ITGB3: variants seen among roughly 807,000 people sequenced by gnomAD.
ITGB3 encodes integrin beta-3.
A neutral mutation model predicts 85.8 loss-of-function variants in ITGB3; 48 were observed. The ratio of observed to expected loss-of-function variants is 0.56; its 90% CI spans 0.44 to 0.71. The LOEUF is 0.71. Among genes scored for constraint, ITGB3 ranks in the 30% least tolerant of loss-of-function variants. The pLI is 0.00. For synonymous variants in ITGB3, 363 were observed against 395.6 expected (o/e 0.92, Z 0.98); for missense variants, 861 against 1,019.1 (o/e 0.84, Z 2.11).
At chr17:47,294,573 C>G (rs549763374) in intron 10 of ITGB3, among the ~76,000 whole-genome samples, 4 of 152,254 alleles carry the variant, frequency 2.6e-5, no homozygotes, top group African/African-American at 9.6e-5. Flanking sequence ...ACCAGGGCAG[C>G]CATTGCCGCC....
chr17:47,260,051 T>C (rs4629024), intron 1 of ITGB3, among the ~76,000 whole-genome samples: 46,044 of 151,940 alleles, frequency 0.3, 7,289 homozygotes, highest in East Asian at 0.49. Flanking sequence ...TGTTTAGACA[T>C]TTCCCCTCGC....
intron 1 of ITGB3, among the ~76,000 whole-genome samples, chr17:47,269,273 C>T (rs867781169): frequency 1.1e-4 from 16 of 152,222 alleles, no homozygotes; most frequent in African/African-American, 7.2e-5. Context: ...TAACATTCAG[C>T]TCCTCGTTAC....
intron 1 of ITGB3, among the ~76,000 whole-genome samples, chr17:47,262,539 G>A (rs2065012104): frequency 6.6e-6 from 1 of 152,146 alleles, no homozygotes; most frequent in Non-Finnish European, 1.5e-5. Context: ...TTTCTGGCTG[G>A]AAGAGTGGAT....
In ITGB3 at chr17:47,290,936, G is replaced by A. The variant is rs1445404224; in HGVS notation, c.1126-18G>A. ...TTTCAGTTCAATTTCTTGTCTTCTT[G>A]TGCCCCTTTCTGCTCAGAAAATCCG... On this transcript the variant is annotated intron_variant, in intron 8 of 14. Coordinates refer to ENST00000559488, the MANE Select transcript of ITGB3 (RefSeq NM_000212.3). 6.2e-7 allele frequency: 1 copy of A among 1,613,740 alleles called. No individual in the cohort carries two copies. The highest frequency in any genetic ancestry group is 1.3e-5 in the African/African-American group (1 of 74,868).
intron 6 of ITGB3, among the ~76,000 whole-genome samples, chr17:47,287,476 A>G (rs1435585739): frequency 1.3e-5 from 2 of 152,252 alleles, no homozygotes; most frequent in Non-Finnish European, 2.9e-5. Flanking sequence ...GCATAGCAGC[A>G]GCATCATGGG....
intron 10 of ITGB3, among the ~76,000 whole-genome samples, chr17:47,298,921 A>G (rs2065155680): frequency 6.6e-6 from 1 of 152,204 alleles, no homozygotes; most frequent in African/African-American, 2.4e-5. Context: ...GTGTCAGCCA[A>G]ACTAGAAGGG....
chr17:47,276,292 A>T (rs1458659375), intron 2 of ITGB3, among the ~76,000 whole-genome samples: 1 of 152,178 alleles, frequency 6.6e-6, no homozygotes, highest in Non-Finnish European at 1.5e-5. Context: ...CTGTATAGGG[A>T]CTAGCCATGC....
intron 13 of ITGB3, 76 bp downstream of exon 13, chr17:47,302,916 C>T (rs536825871): frequency 6.4e-7 from 1 of 1,562,986 alleles, no homozygotes; most frequent in South Asian, 1.1e-5. Flanking sequence ...AATCTCTACT[C>T]ATCGAAGCTG....
At chr17:47,300,719 T>C in intron 12 of ITGB3, 141 bp downstream of exon 12, 1 of 711,300 alleles carries the variant, frequency 1.4e-6, no homozygotes, top group South Asian at 1.5e-5. Flanking sequence ...TGAGGAACAA[T>C]GGACACTTGA....
At position 47,283,971 on chromosome 17, in the gene ITGB3, AG is replaced by A. The variant is rs2143091388; in HGVS notation, c.361+424del. Among the ~76,000 whole-genome samples the A allele has an allele frequency of 3.3e-5, 5 of 152,324 alleles. No homozygotes were observed. In the East Asian group the frequency reaches 9.7e-4, roughly 29 times the overall value. ...ACAGGGGAATGGGGGCAGACACAAT[AG>A]GTACACAAGACCTTTAGAGGGAGGA... On this transcript the variant is annotated intron_variant, in intron 3 of 14. Transcript: ENST00000559488.
At chr17:47,261,895 A>G (rs1395801849) in intron 1 of ITGB3, among the ~76,000 whole-genome samples, 1 of 152,262 alleles carries the variant, frequency 6.6e-6, no homozygotes, top group Admixed American at 6.5e-5. Flanking sequence ...CCCAAGAGCT[A>G]TAATTCTAGC....
intron 1 of ITGB3, among the ~76,000 whole-genome samples, chr17:47,256,836 C>T (rs774786713): frequency 3.9e-5 from 6 of 152,168 alleles, no homozygotes; most frequent in Non-Finnish European, 7.3e-5. Flanking sequence ...TATTTCTCTT[C>T]TGGAGTTTAT....
rs1319602452 is a variant in ITGB3, at chr17:47,311,954, G to A, written c.*1750G>A. ...CAGCCAGTCTTGAAGGTCTCTTTCA[G>A]TATCAACATTCTAAGATGCTGGGAC... is the stretch of plus-strand genomic sequence containing the variant. On this transcript the variant is annotated 3_prime_UTR_variant, in exon 15 of 15. Coordinates refer to ENST00000559488, the MANE Select transcript of ITGB3 (RefSeq NM_000212.3). 1 of 152,542 alleles carries A rather than the reference G, an allele frequency of 6.6e-6. No individual in the cohort carries two copies. Among genetic ancestry groups the A allele is most frequent in the Admixed American group, 6.5e-5 (1 of 15,284 alleles). The allele number at this position is 152,542 out of a possible 1,614,324, so 9.4% of individuals were successfully genotyped here. A position where few individuals can be genotyped will look rare whatever the true frequency, so the allele number is the denominator to read the frequency against.
Position 47,307,569 on chromosome 17 carries a change from A to C in ITGB3, c.2233A>C (p.Ile745Leu). ...LAALLIWKLL[I>L]TIHDRKEFAK... Reference sequence around the variant, plus strand: ...CGCCCTGCTCATCTGGAAACTCCTCATCACCATCCACGACCGAAAAGAATT... The same window carrying C: ...CGCCCTGCTCATCTGGAAACTCCTCCTCACCATCCACGACCGAAAAGAATT... Residue 745 changes from isoleucine to leucine, a missense_variant, in exon 14 of 15, where the codon ATC becomes CTC. Ile to Leu is a conservative substitution (Grantham distance 5). Transcript: ENST00000559488. 1 of 1,614,150 alleles carries C rather than the reference A, an allele frequency of 6.2e-7. No homozygotes were observed. Among genetic ancestry groups the C allele is most frequent in the Non-Finnish European group, 8.5e-7 (1 of 1,180,028 alleles).
chr17:47,305,342 ATGG>A (rs1434468025), intron 13 of ITGB3, among the ~76,000 whole-genome samples: 1 of 152,110 alleles, frequency 6.6e-6, no homozygotes, highest in Non-Finnish European at 1.5e-5. Flanking sequence ...AGCTTGAGTT[ATGG>A]TGGTGGTTGT....
In ITGB3 at chr17:47,300,675, C is replaced by T. The variant is rs11867253; in HGVS notation, c.2014+97C>T. ...CCAACTCCCACCTGTAAAATGGAAG[C>T]GTGACTTCTACCTCAGGGAATGTTG... is the stretch of plus-strand genomic sequence containing the variant. On this transcript the variant is annotated intron_variant, in intron 12 of 14. Coordinates refer to ENST00000559488, the MANE Select transcript of ITGB3 (RefSeq NM_000212.3). The T allele has an allele frequency of 0.083, 71,013 of 858,982 alleles. 3,512 individuals are homozygous for T. The highest frequency in any genetic ancestry group is 0.19 in the East Asian group (6,953 of 37,330). 53.2% of individuals were successfully genotyped at this position (858,982 alleles called of 1,614,324 possible). A position where few individuals can be genotyped will look rare whatever the true frequency, so the allele number is the denominator to read the frequency against.
intron 14 of ITGB3, among the ~76,000 whole-genome samples, chr17:47,308,997 C>T (rs2065202224): frequency 7.9e-6 from 1 of 126,444 alleles, no homozygotes. Flanking sequence ...TACGCTTCCT[C>T]CCCTCCCCTT....
At chr17:47,287,300 C>A in intron 6 of ITGB3, 69 bp downstream of exon 6, 12 of 1,572,104 alleles carry the variant, frequency 7.6e-6, no homozygotes, top group Non-Finnish European at 9.6e-6. Context: ...TAGGCAGAGT[C>A]TGTGTGAATA....
At chr17:47,256,234 G>T (rs1338160333) in intron 1 of ITGB3, among the ~76,000 whole-genome samples, 1 of 152,202 alleles carries the variant, frequency 6.6e-6, no homozygotes, top group Non-Finnish European at 1.5e-5. Flanking sequence ...GGGAAGTGGA[G>T]GTAGAAGGAT....
Sources: gnomAD v4.1 joint callset for allele counts (sites outside exome capture counted in the v4.1 genomes callset) on GRCh38, gnomAD v4.1.1 for gene constraint, MANE v1.5 for transcripts, NCBI Gene and HGNC (gene_info 2026-07-23, HGNC 2026-07-21) for gene names.